The following FRMD4B variants were observed in gnomAD, a reference collection of about 807,000 sequenced individuals.
FRMD4B encodes the protein FERM domain-containing protein 4B.
FRMD4B carries 74 observed loss-of-function variants against 141.5 expected under a neutral mutation model. The ratio of observed to expected loss-of-function variants is 0.52; its 90% confidence interval spans 0.43 to 0.63. FRMD4B has a LOEUF of 0.63. Ranked by LOEUF, FRMD4B falls within the 30% of genes least tolerant of loss-of-function variation. FRMD4B has a pLI of 0.00. For synonymous variants in FRMD4B, 506 were observed against 467.9 expected, an observed-to-expected ratio of 1.08 and a Z score of -1.05; for missense variants, 1,366 against 1,253.4, an observed-to-expected ratio of 1.09 and a Z score of -1.36.
chr3:69,435,728 T>G (rs1705250189), intron 1 of FRMD4B, among the ~76,000 whole-genome samples: 1 of 152,206 alleles, frequency 6.6e-6, no homozygotes, highest in Admixed American at 6.5e-5. Flanking sequence ...TTTCCAATCT[T>G]CAAGGGGAAG....
intron 1 of FRMD4B, among the ~76,000 whole-genome samples, chr3:69,348,155 C>T (rs371804934): frequency 6.6e-6 from 1 of 152,090 alleles, no homozygotes; most frequent in African/African-American, 2.4e-5. Context: ...GGGGATATCA[C>T]CATCGATCCC....
chr3:69,507,386 T>C (rs1706614220), intron 1 of FRMD4B, among the ~76,000 whole-genome samples: 1 of 152,216 alleles, frequency 6.6e-6, no homozygotes, highest in Admixed American at 6.5e-5. Flanking sequence ...TATGTGTAAG[T>C]TTGTGTGTGT....
chr3:69,522,363 G>GTAA (rs1218831009), intron 1 of FRMD4B, among the ~76,000 whole-genome samples: 1 of 149,974 alleles, frequency 6.7e-6, no homozygotes, highest in East Asian at 2.0e-4. Flanking sequence ...TCAGATGAGG[G>GTAA]CAAAAAGTCA....
chr3:69,209,004 C>T (rs1253453389), intron 11 of FRMD4B, among the ~76,000 whole-genome samples: 3 of 152,024 alleles, frequency 2.0e-5, no homozygotes, highest in East Asian at 1.9e-4. Context: ...ATTAGCTGGG[C>T]GTGGTGGCGT....
chr3:69,182,722 G>C lies in FRMD4B; in HGVS notation c.1920-5C>G. Reference sequence around the variant, plus strand: ...CTGTGTGTGGACAGCATTTCTCTGTGATGATAAAAAGAAGAATTCAGGAAA... The same window carrying C: ...CTGTGTGTGGACAGCATTTCTCTGTCATGATAAAAAGAAGAATTCAGGAAA... On this transcript the variant is annotated splice_polypyrimidine_tract_variant and splice_region_variant and intron_variant, in intron 19 of 22. Coordinates refer to ENST00000398540, the MANE Select transcript of FRMD4B (RefSeq NM_015123.3). 1 of 1,610,094 alleles carries C rather than the reference G, an allele frequency of 6.2e-7. No homozygotes were observed. Among genetic ancestry groups the C allele is most frequent in the Non-Finnish European group, 8.5e-7 (1 of 1,178,826 alleles).
chr3:69,248,589 G>A (rs1203065121), intron 7 of FRMD4B, among the ~76,000 whole-genome samples: 2 of 152,184 alleles, frequency 1.3e-5, no homozygotes, highest in African/African-American at 2.4e-5. Flanking sequence ...GGGGTCATTG[G>A]CCTACAAAGG....
intron 1 of FRMD4B, among the ~76,000 whole-genome samples, chr3:69,335,371 CA>C (rs1180594878): frequency 1.1e-5 from 1 of 93,666 alleles, no homozygotes; most frequent in Non-Finnish European, 2.0e-5. Context: ...TTCATTATTG[CA>C]TTTTTTTTTT....
intron 11 of FRMD4B, among the ~76,000 whole-genome samples, chr3:69,211,677 G>T (rs528751968): frequency 9.9e-5 from 15 of 152,138 alleles, no homozygotes; most frequent in Non-Finnish European, 1.8e-4. Flanking sequence ...GTAACAAGAC[G>T]GGATGTGGCT....
At chr3:69,225,071 A>G (rs2093237304) in intron 7 of FRMD4B, among the ~76,000 whole-genome samples, 1 of 152,060 alleles carries the variant, frequency 6.6e-6, no homozygotes, top group African/African-American at 2.4e-5. Flanking sequence ...TTATCATGAA[A>G]CCATTCACAT....
chr3:69,215,810 T>C (rs2093134654), intron 11 of FRMD4B, among the ~76,000 whole-genome samples: 1 of 152,200 alleles, frequency 6.6e-6, no homozygotes, highest in Non-Finnish European at 1.5e-5. Context: ...TAAATGTACA[T>C]ATAAAATTTA....
At chr3:69,523,120 G>GA (rs111583020) in intron 1 of FRMD4B, among the ~76,000 whole-genome samples, 141 of 127,924 alleles carry the variant, frequency 1.1e-3, no homozygotes, top group South Asian at 5.5e-3. Flanking sequence ...AATAACAAGT[G>GA]AAAAAAAAAA....
chr3:69,443,867 C>T (rs1412029274), intron 1 of FRMD4B, among the ~76,000 whole-genome samples: 1 of 152,228 alleles, frequency 6.6e-6, no homozygotes, highest in African/African-American at 2.4e-5. Context: ...AAGATGTAGG[C>T]ACAGTTAAAA....
intron 1 of FRMD4B, chr3:69,535,742 C>A: frequency 2.3e-6 from 1 of 443,428 alleles, no homozygotes; most frequent in South Asian, 1.7e-5. Flanking sequence ...TTGGGGGTCT[C>A]TGTCTTCCTA....
chr3:69,389,397 A>G (rs1704335046), upstream of FRMD4B, among the ~76,000 whole-genome samples: 1 of 152,142 alleles, frequency 6.6e-6, no homozygotes, highest in South Asian at 2.1e-4. Context: ...TCAACTAGTT[A>G]CCTACATGTG....
At chr3:69,346,233 G>A (rs1204160305) in intron 1 of FRMD4B, among the ~76,000 whole-genome samples, 3 of 152,022 alleles carry the variant, frequency 2.0e-5, no homozygotes, top group Non-Finnish European at 4.4e-5. Context: ...GGGTATGAGT[G>A]ATTGAAGATT....
At chr3:69,299,679 A>G (rs548166488) in intron 4 of FRMD4B, among the ~76,000 whole-genome samples, 15 of 152,366 alleles carry the variant, frequency 9.8e-5, no homozygotes, top group African/African-American at 3.1e-4. Flanking sequence ...AAGTGCCACC[A>G]TAACCTACTG....
intron 11 of FRMD4B, among the ~76,000 whole-genome samples, chr3:69,207,150 A>T (rs2093031115): frequency 6.6e-6 from 1 of 151,992 alleles, no homozygotes; most frequent in African/African-American, 2.4e-5. Flanking sequence ...AACAGAATTT[A>T]AAAAATTAGT....
chr3:69,509,032 C>T (rs1706644272), intron 1 of FRMD4B, among the ~76,000 whole-genome samples: 1 of 152,186 alleles, frequency 6.6e-6, no homozygotes, highest in Non-Finnish European at 1.5e-5. Flanking sequence ...CCTGTTGAGG[C>T]CAGAAGTTTT....
Position 69,293,290 on chromosome 3 carries a change from A to T in FRMD4B, c.417-5454T>A, listed in dbSNP as rs550885952. ...GTGGTATTTATTTCTAGTGGTCACA[A>T]GTCAACACTAGGGAGTGGGAGAGAC... On this transcript the variant is annotated intron_variant, in intron 4 of 22. Coordinates refer to ENST00000398540, the MANE Select transcript of FRMD4B (RefSeq NM_015123.3). Among the ~76,000 whole-genome samples the T allele has an allele frequency of 2.0e-5, 3 of 152,154 alleles. No homozygotes were observed. The South Asian group carries it at 6.3e-4, about 32-fold the overall frequency.
Sources: gnomAD v4.1 joint callset for allele counts (sites outside exome capture counted in the v4.1 genomes callset) on GRCh38, gnomAD v4.1.1 for gene constraint, MANE v1.5 for transcripts, NCBI Gene and HGNC (gene_info 2026-07-23, HGNC 2026-07-21) for gene names.